Variants in KSR1 observed in about 807,000 individuals in gnomAD.
KSR1 encodes kinase suppressor of ras.
Under a neutral mutation model 92.9 loss-of-function variants are expected in KSR1, and 35 were observed. The observed-to-expected ratio is 0.38, with a 90% CI of 0.29 to 0.50. The LOEUF is 0.50. Ranked by LOEUF, KSR1 falls within the 20% of genes least tolerant of loss-of-function variation. The probability of loss-of-function intolerance (pLI) is 0.94; values close to 1 mark genes in which losing one functional copy is unlikely to be tolerated. For missense variants in KSR1, 972 were observed against 1,158.5 expected (o/e 0.84, Z 2.34); for synonymous variants, 467 against 472.6 (o/e 0.99, Z 0.15).
chr17:27,601,360 C>G lies in KSR1; in HGVS notation c.1469C>G (p.Ala490Gly). Reference sequence around the variant, plus strand: ...GACTCACCTCCTCTTCTGTTTAAAGCTGCCTACTTCATTCATCATAGACAG... The same window carrying G: ...GACTCACCTCCTCTTCTGTTTAAAGGTGCCTACTTCATTCATCATAGACAG... ...GQRDSRFNFP[A>G]AYFIHHRQQF... is the part of the protein sequence containing the mutation. Residue 490 changes from alanine (A) to glycine (G), a missense_variant and splice_region_variant, in exon 11 of 21, where the codon GCT becomes GGT. Physicochemically the swap from Ala to Gly is moderately conservative, Grantham distance 60. This residue lies in a region of KSR1 where 611 missense variants were observed against 668.0 expected (regional missense o/e 0.91). Coordinates refer to ENST00000644974, the MANE Select transcript of KSR1 (RefSeq NM_001394583.1). 6.2e-7 allele frequency: 1 copy of G among 1,613,312 alleles called. No individual in the cohort carries two copies. Among genetic ancestry groups the G allele is most frequent in the Non-Finnish European group, 8.5e-7 (1 of 1,179,306 alleles).
At chr17:27,564,694 A>G (rs1226044785) in intron 2 of KSR1, among the ~76,000 whole-genome samples, 3 of 151,076 alleles carry the variant, frequency 2.0e-5, no homozygotes, top group South Asian at 4.2e-4. Context: ...CTTTGACCAC[A>G]TGTTCATACT....
intron 1 of KSR1, among the ~76,000 whole-genome samples, chr17:27,484,989 A>G (rs1234380286): frequency 6.6e-6 from 1 of 152,164 alleles, no homozygotes; most frequent in African/African-American, 2.4e-5. Context: ...CCCCACTTTT[A>G]CAGGTGAGGA....
intron 2 of KSR1, among the ~76,000 whole-genome samples, chr17:27,575,573 A>G (rs903772183): frequency 3.9e-5 from 6 of 151,980 alleles, no homozygotes; most frequent in Non-Finnish European, 7.4e-5. Context: ...CTCTCACCCT[A>G]TGATTAAGAA....
At chr17:27,576,510 C>T (rs1340511544) in intron 2 of KSR1, among the ~76,000 whole-genome samples, 2 of 152,184 alleles carry the variant, frequency 1.3e-5, no homozygotes, top group Non-Finnish European at 2.9e-5. Context: ...TCTCACCCCT[C>T]ATCTTGTGAT....
rs1272272674 is a variant in KSR1 at position 27,626,260 on chromosome 17, T to C, written c.*2868T>C. The C allele has an allele frequency of 6.6e-6, 1 of 152,260 alleles. No homozygotes were observed. Among genetic ancestry groups the C allele is most frequent in the African/African-American group, 2.4e-5 (1 of 41,472 alleles). The allele number at this position is 152,260 out of a possible 1,614,324, so 9.4% of individuals were successfully genotyped here. A position where few individuals can be genotyped will look rare whatever the true frequency, so the allele number is the denominator to read the frequency against. ...GTGATGTAAAATTTGTACAGTAAAG[T>C]TTTTATATTTTCTATCAACTACATT... On this transcript the variant is annotated 3_prime_UTR_variant, in exon 21 of 21. Transcript: ENST00000644974.
At chr17:27,467,808 G>GT (rs1457140078) in intron 1 of KSR1, among the ~76,000 whole-genome samples, 8 of 130,068 alleles carry the variant, frequency 6.2e-5, no homozygotes, top group Non-Finnish European at 1.4e-4. Context: ...CTGAGTTTAT[G>GT]TTTTGTTTTT....
At position 27,463,467 on chromosome 17, in the gene KSR1, G is replaced by GAAA. The variant is rs963635192; in HGVS notation, c.231+6608_231+6610dup. Among the ~76,000 whole-genome samples the GAAA allele has an allele frequency of 5.5e-5, 6 of 109,646 alleles. No individual in the cohort carries two copies. In the Admixed American group the frequency reaches 5.9e-4, roughly 11 times the overall value. The allele number at this position is 109,646 out of a possible 152,430, so 71.9% of individuals were successfully genotyped here. A position where few individuals can be genotyped will look rare whatever the true frequency, so the allele number is the denominator to read the frequency against. ...ATTGCACTCCAGCCTGGATGACAGA[G>GAAA]AAAAAAAAAAAAAAAAAGAGGCTGG... On this transcript the variant is annotated intron_variant, in intron 1 of 20. Coordinates refer to ENST00000644974, the MANE Select transcript of KSR1 (RefSeq NM_001394583.1).
intron 1 of KSR1, chr17:27,465,437 T>A (rs1159573382): frequency 6.6e-6 from 1 of 152,118 alleles, no homozygotes; most frequent in Non-Finnish European, 1.5e-5. Context: ...TCCCAGCACT[T>A]TGGGAGGCAG....
intron 2 of KSR1, among the ~76,000 whole-genome samples, chr17:27,555,974 G>T (rs75942665): frequency 9.5e-4 from 144 of 152,252 alleles, no homozygotes; most frequent in Admixed American, 2.1e-3. Flanking sequence ...ATTCCTCTGC[G>T]TGTTGTCTCT....
intron 1 of KSR1, among the ~76,000 whole-genome samples, chr17:27,548,641 C>T (rs943017290): frequency 2.0e-5 from 3 of 152,094 alleles, no homozygotes; most frequent in African/African-American, 7.2e-5. Flanking sequence ...ACCAGCCTGT[C>T]CAACATGGCG....
chr17:27,538,494 A>G (rs2070832573), intron 1 of KSR1, among the ~76,000 whole-genome samples: 1 of 152,240 alleles, frequency 6.6e-6, no homozygotes, highest in Admixed American at 6.5e-5. Flanking sequence ...TGTCACAGGT[A>G]ACCAGCTTCA....
At chr17:27,488,342 CT>C (rs2068727893) in intron 1 of KSR1, among the ~76,000 whole-genome samples, 6 of 151,956 alleles carry the variant, frequency 3.9e-5, no homozygotes, top group Admixed American at 3.9e-4. Flanking sequence ...TTTTTTACTT[CT>C]GTCTGGCTCA....
intron 1 of KSR1, among the ~76,000 whole-genome samples, chr17:27,478,068 GTTC>G (rs1376533428): frequency 6.6e-6 from 1 of 152,184 alleles, no homozygotes; most frequent in Non-Finnish European, 1.5e-5. Context: ...AAAGGAAGGA[GTTC>G]TTCTTTCTTT....
chr17:27,544,820 T>C (rs751930219), intron 1 of KSR1, among the ~76,000 whole-genome samples: 1 of 152,258 alleles, frequency 6.6e-6, no homozygotes, highest in Non-Finnish European at 1.5e-5. Flanking sequence ...CAGGCCCCAC[T>C]GTGGTTTGTC....
At chr17:27,541,219 A>G (rs1412171665) in intron 1 of KSR1, among the ~76,000 whole-genome samples, 1 of 152,206 alleles carries the variant, frequency 6.6e-6, no homozygotes, top group East Asian at 1.9e-4. Context: ...GTGAGCTGGA[A>G]GCTGGTCCAC....
intron 1 of KSR1, among the ~76,000 whole-genome samples, chr17:27,462,594 A>C (rs938577129): frequency 2.0e-5 from 3 of 152,214 alleles, no homozygotes; most frequent in Admixed American, 6.5e-5. Context: ...CCTAGAGATC[A>C]GTTTACTCAT....
intron 1 of KSR1, among the ~76,000 whole-genome samples, chr17:27,514,369 TTAAG>T (rs1253117223): frequency 6.6e-6 from 1 of 152,154 alleles, no homozygotes; most frequent in Non-Finnish European, 1.5e-5. Context: ...TTTCAGAAAA[TTAAG>T]TAAGGCTGGG....
intron 10 of KSR1, among the ~76,000 whole-genome samples, chr17:27,600,023 C>G (rs1407712515): frequency 2.0e-5 from 3 of 151,942 alleles, no homozygotes; most frequent in African/African-American, 7.3e-5. Flanking sequence ...GCTGGCATCT[C>G]CTGTGATAAC....
chr17:27,585,555 C>T (rs767739184), intron 4 of KSR1, 102 bp from the exon 5 acceptor site: 16 of 717,802 alleles, frequency 2.2e-5, no homozygotes, highest in African/African-American at 1.7e-4. Flanking sequence ...CAGAGTCCTA[C>T]GTCCCAGCCC....
Sources: gnomAD v4.1 joint callset for allele counts (sites outside exome capture counted in the v4.1 genomes callset) on GRCh38, gnomAD v4.1.1 for gene constraint, gnomAD v4.1.1 regional missense constraint, MANE v1.5 for transcripts, NCBI Gene and HGNC (gene_info 2026-07-23, HGNC 2026-07-21) for gene names.